Variants in CENPU observed in about 807,000 individuals in gnomAD.
CENPU encodes the protein KSHV latent nuclear antigen interacting protein 1.
Under a neutral mutation model 56.7 loss-of-function variants are expected in CENPU, and 46 were observed. The observed-to-expected ratio is 0.81, with a 90% CI of 0.64 to 1.04. CENPU has a LOEUF of 1.04. Among genes scored for constraint, CENPU ranks in the 50% least tolerant of loss-of-function variants. The probability of loss-of-function intolerance (pLI) is 0.00; values close to 1 mark genes in which losing one functional copy is unlikely to be tolerated. For synonymous variants in CENPU, 166 were observed against 163.0 expected (o/e 1.02, Z -0.14); for missense variants, 510 against 490.1 (o/e 1.04, Z -0.38).
chr4:184,731,944 T>G (rs1185370062), intron 1 of CENPU, among the ~76,000 whole-genome samples: 1 of 147,380 alleles, frequency 6.8e-6, no homozygotes, highest in Admixed American at 6.8e-5. Context: ...CCCTAAATAC[T>G]ACAATATGTC....
chr4:184,733,925 C>G (rs1761747108), intron 1 of CENPU, 91 bp downstream of exon 1: 2 of 1,562,824 alleles, frequency 1.3e-6, no homozygotes, highest in Non-Finnish European at 1.8e-6. Flanking sequence ...AGTGGAGCAC[C>G]AACAGCGCCG....
chr4:184,730,504 C>T (rs755839005), intron 2 of CENPU, among the ~76,000 whole-genome samples: 1 of 111,732 alleles, frequency 8.9e-6, no homozygotes, highest in Non-Finnish European at 2.0e-5. Context: ...CTATCAAGAA[C>T]GTTAAAGAAA....
At chr4:184,727,152 A>G (rs1325364342) in intron 3 of CENPU, among the ~76,000 whole-genome samples, 2 of 151,996 alleles carry the variant, frequency 1.3e-5, no homozygotes, top group African/African-American at 4.8e-5. Flanking sequence ...CTCAGGCTAC[A>G]ACACAGATAA....
rs1761549735 is a variant in CENPU at position 184,729,042 on chromosome 4, G to A, written c.97-7C>T. ...TGCACTTTTGACCAGCTTTCTAAAA[G>A]TGAATAAAGTTGAGTCATTGAGTTG... On this transcript the variant is annotated splice_polypyrimidine_tract_variant and splice_region_variant and intron_variant, in intron 2 of 12. Coordinates refer to ENST00000281453, the MANE Select transcript of CENPU (RefSeq NM_024629.4). The A allele has an allele frequency of 6.2e-7, 1 of 1,602,784 alleles. No homozygotes were observed. The highest frequency in any genetic ancestry group is 1.1e-5 in the South Asian group (1 of 90,026).
chr4:184,697,629 AAG>A lies in CENPU; in HGVS notation c.1143+16_1143+17del. 6.2e-7 allele frequency: 1 copy of A among 1,611,424 alleles called. No homozygotes were observed. Among genetic ancestry groups the A allele is most frequent in the South Asian group, 1.1e-5 (1 of 90,564 alleles). ...CAATCATCTTCTGAAGCATGGTAAA[AAG>A]TAAAATTGGAGTTACCGTTTCCTTT... On this transcript the variant is annotated intron_variant, in intron 12 of 12. Transcript: ENST00000281453.
rs765114215 is a variant in CENPU at position 184,694,702 on chromosome 4, G to A, written c.*586C>T. ...AGATGCTGAATTAGCTGAAGCTGCA[G>A]AGAACAGTCTTCTCAGTTATAACAG... On this transcript the variant is annotated 3_prime_UTR_variant, in exon 13 of 13. Transcript: ENST00000281453. 5 of 1,613,868 alleles carry A rather than the reference G, an allele frequency of 3.1e-6. No individual in the cohort carries two copies. Among genetic ancestry groups the A allele is most frequent in the Non-Finnish European group, 4.2e-6 (5 of 1,179,748 alleles).
intron 4 of CENPU, among the ~76,000 whole-genome samples, chr4:184,722,805 A>T (rs1175221985): frequency 6.6e-6 from 1 of 152,188 alleles, no homozygotes; most frequent in Non-Finnish European, 1.5e-5. Context: ...AATAGGAAAA[A>T]GGATATAAAC....
At chr4:184,726,677 A>G (rs1398571039) in intron 3 of CENPU, among the ~76,000 whole-genome samples, 1 of 152,232 alleles carries the variant, frequency 6.6e-6, no homozygotes, top group Non-Finnish European at 1.5e-5. Context: ...TGATACACTC[A>G]TGTTAGTATT....
Position 184,715,518 on chromosome 4 carries a change from G to A in CENPU, c.618+879C>T, listed in dbSNP as rs1214613058. On this transcript the variant is annotated intron_variant, in intron 6 of 12. Coordinates refer to ENST00000281453, the MANE Select transcript of CENPU (RefSeq NM_024629.4). ...AGTAGAGATGGGGTTTTGCCATGTT[G>A]GCCAGGCTGGTCTCGAACTCCTGAC... 1.3e-5 allele frequency among the ~76,000 whole-genome samples: 2 copies of A among 152,106 alleles called. 1 individual carries two copies. The highest frequency in any genetic ancestry group is 2.9e-5 in the Non-Finnish European group (2 of 68,010).
intron 6 of CENPU, 109 bp downstream of exon 6, chr4:184,716,288 A>T: frequency 1.4e-6 from 1 of 737,348 alleles, no homozygotes; most frequent in Non-Finnish European, 2.2e-6. Flanking sequence ...GGAAAATATA[A>T]AATTTATCTT....
chr4:184,694,711 C>A lies in CENPU; in HGVS notation c.*577G>T. ...ATTAGCTGAAGCTGCAGAGAACAGT[C>A]TTCTCAGTTATAACAGTGAAGTGGA... On this transcript the variant is annotated 3_prime_UTR_variant, in exon 13 of 13. Transcript: ENST00000281453. The A allele has an allele frequency of 3.7e-6, 6 of 1,613,226 alleles. No homozygotes were observed. Among genetic ancestry groups the A allele is most frequent in the Non-Finnish European group, 5.1e-6 (6 of 1,179,158 alleles).
Position 184,725,075 on chromosome 4 carries a change from A to G in CENPU, c.215-13T>C, listed in dbSNP as rs1561144518. Reference sequence around the variant, plus strand: ...TGTAAAGGAGGATCTTTCAAAAGACAAAAAAGAAGCACAACTTTAAAAGTC... The same window carrying G: ...TGTAAAGGAGGATCTTTCAAAAGACGAAAAAGAAGCACAACTTTAAAAGTC... On this transcript the variant is annotated splice_polypyrimidine_tract_variant and intron_variant, in intron 3 of 12. Transcript: ENST00000281453. 1.3e-6 allele frequency: 2 copies of G among 1,544,274 alleles called. No individual in the cohort carries two copies. Among genetic ancestry groups the G allele is most frequent in the Non-Finnish European group, 1.8e-6 (2 of 1,126,886 alleles).
At chr4:184,708,643 C>T (rs1417971012) in intron 8 of CENPU, among the ~76,000 whole-genome samples, 1 of 151,962 alleles carries the variant, frequency 6.6e-6, no homozygotes, top group African/African-American at 2.4e-5. Context: ...TAAAAGAATA[C>T]AAAGTTTCCA....
At chr4:184,723,896 C>CTA (rs1383381444) in intron 4 of CENPU, among the ~76,000 whole-genome samples, 1 of 142,836 alleles carries the variant, frequency 7.0e-6, no homozygotes, top group African/African-American at 2.6e-5. Context: ...TAACCAAGTA[C>CTA]TATAAAACTT....
At chr4:184,730,410 G>A (rs1004701644) in intron 2 of CENPU, among the ~76,000 whole-genome samples, 3 of 151,708 alleles carry the variant, frequency 2.0e-5, no homozygotes, top group South Asian at 2.1e-4. Context: ...AACTCCTTCC[G>A]GGGTGCCTGG....
chr4:184,722,258 T>C (rs1262772033), intron 4 of CENPU, among the ~76,000 whole-genome samples: 7 of 152,276 alleles, frequency 4.6e-5, no homozygotes, highest in South Asian at 4.1e-4. Context: ...GAGGGAAGTT[T>C]ACAGCTATAA....
chr4:184,725,552 G>T (rs1015581196), intron 3 of CENPU, among the ~76,000 whole-genome samples: 4 of 152,126 alleles, frequency 2.6e-5, no homozygotes, highest in Non-Finnish European at 5.9e-5. Flanking sequence ...AATATAAATC[G>T]GAAGTCCAAC....
chr4:184,696,808 A>G (rs1462258776), intron 12 of CENPU, among the ~76,000 whole-genome samples: 2 of 151,978 alleles, frequency 1.3e-5, no homozygotes, highest in Non-Finnish European at 2.9e-5. Context: ...TGCAGTAAAA[A>G]TCCAGAAGCA....
rs1432496511 is a variant in CENPU at position 184,695,316 on chromosome 4, T to A, written c.1229A>T (p.Gln410Leu). Reference protein sequence around the residue: ...AESHLRNINHQLEKLLDQG With the variant: ...AESHLRNINHLLEKLLDQG ...TCCCTGGTCAAGGAGCTTCTCTAAC[T>A]GATGGTTGATATTTCGCAGATGGCT... Residue 410 changes from glutamine to leucine, a missense_variant, in exon 13 of 13, where the codon CAG becomes CTG. By Grantham distance (113) the Gln-to-Leu change is moderately radical (BLOSUM62 -2). Transcript: ENST00000281453. The A allele has an allele frequency of 2.5e-6, 4 of 1,613,434 alleles. No homozygotes were observed. Among genetic ancestry groups the A allele is most frequent in the Non-Finnish European group, 2.5e-6 (3 of 1,179,428 alleles).
Sources: allele counts gnomAD v4.1 joint callset (sites outside exome capture counted in the v4.1 genomes callset), GRCh38; gene constraint gnomAD v4.1.1; transcripts MANE v1.5; gene names NCBI Gene and HGNC (gene_info 2026-07-23, HGNC 2026-07-21).